The following MUSK variants were observed in gnomAD, a reference collection of about 807,000 sequenced individuals.
MUSK encodes the protein muscle, skeletal receptor tyrosine-protein kinase.
In MUSK, 55 loss-of-function variants were observed where a neutral mutation model predicts 88.7. The ratio of observed to expected loss-of-function variants is 0.62; its 90% CI spans 0.50 to 0.78. The LOEUF is 0.78. MUSK is among the 30% of genes least tolerant of loss of function. MUSK has a pLI of 0.00. For synonymous variants in MUSK, 387 were observed against 391.9 expected, an observed-to-expected ratio of 0.99 and a Z score of 0.15; for missense variants, 1,015 against 1,074.3, an observed-to-expected ratio of 0.94 and a Z score of 0.77.
Position 110,668,888 on chromosome 9 carries a change from G to C in MUSK, c.-17G>C. 2 of 1,608,666 alleles carry C rather than the reference G, an allele frequency of 1.2e-6. No individual in the cohort carries two copies. The highest frequency in any genetic ancestry group is 8.5e-7 in the Non-Finnish European group (1 of 1,175,238). ...TTGTCCAGAAGGAACTTCGTCCTGCGTGAGCCTGGATTAATCATGAGAGAG... is the reference window on the plus strand; with the variant it reads ...TTGTCCAGAAGGAACTTCGTCCTGCCTGAGCCTGGATTAATCATGAGAGAG... On this transcript the variant is annotated 5_prime_UTR_variant, in exon 1 of 15. Transcript: ENST00000374448.
Position 110,804,463 on chromosome 9 carries a change from G to T in MUSK, c.*3475G>T, listed in dbSNP as rs1250908200. 6.6e-6 allele frequency among the ~76,000 whole-genome samples: 1 copy of T among 152,084 alleles called. No homozygotes were observed. Among genetic ancestry groups the T allele is most frequent in the African/African-American group, 2.4e-5 (1 of 41,540 alleles). On this transcript the variant is annotated 3_prime_UTR_variant, in exon 15 of 15. Coordinates refer to ENST00000374448, the MANE Select transcript of MUSK (RefSeq NM_005592.4). ...TTTTGTCTCTTTGGTTATAGAAAAA[G>T]AGAACCTCTTTTTAATTTTATTTTT... is the stretch of plus-strand genomic sequence containing the variant.
intron 2 of MUSK, 21 bp from the exon 3 acceptor site, chr9:110,687,096 A>G: frequency 6.2e-7 from 1 of 1,603,328 alleles, no homozygotes; most frequent in South Asian, 1.1e-5. Context: ...CTAATCTGTC[A>G]TTTTTTTCTG....
chr9:110,709,636 G>A (rs1019073757), intron 5 of MUSK, among the ~76,000 whole-genome samples: 1 of 152,194 alleles, frequency 6.6e-6, no homozygotes, highest in African/African-American at 2.4e-5. Flanking sequence ...AACAGAAGCA[G>A]TGATTTACGC....
At chr9:110,681,058 T>TATATA (rs1491420557) in intron 1 of MUSK, among the ~76,000 whole-genome samples, 506 of 11,846 alleles carry the variant, frequency 0.043, 79 homozygotes, top group African/African-American at 0.22. Flanking sequence ...TATTATATAT[T>TATATA]ATATATATAA....
chr9:110,746,277 G>T (rs1300680802), intron 6 of MUSK, among the ~76,000 whole-genome samples: 1 of 152,114 alleles, frequency 6.6e-6, no homozygotes, highest in Non-Finnish European at 1.5e-5. Flanking sequence ...GTGGTATTGT[G>T]CTCAAGAAAA....
At chr9:110,672,495 T>C (rs949398465) in intron 1 of MUSK, among the ~76,000 whole-genome samples, 2 of 152,148 alleles carry the variant, frequency 1.3e-5, no homozygotes, top group African/African-American at 2.4e-5. Flanking sequence ...GATTGGCACT[T>C]TCCAGGGTCA....
chr9:110,775,700 T>C (rs2077656910), intron 9 of MUSK, 88 bp from the exon 10 acceptor site: 6 of 1,242,042 alleles, frequency 4.8e-6, no homozygotes, highest in Admixed American at 1.8e-5. Context: ...CATGATGATG[T>C]CTTGAAAACA....
intron 6 of MUSK, among the ~76,000 whole-genome samples, chr9:110,746,427 C>T (rs1394595656): frequency 6.6e-6 from 1 of 152,164 alleles, no homozygotes; most frequent in African/African-American, 2.4e-5. Flanking sequence ...CATTTGTTCT[C>T]TCTTCTAGGA....
chr9:110,674,866 C>G (rs1244553871), intron 1 of MUSK, among the ~76,000 whole-genome samples: 1 of 152,060 alleles, frequency 6.6e-6, no homozygotes, highest in Non-Finnish European at 1.5e-5. Flanking sequence ...CCCACCTCGG[C>G]CTCAAAAGTG....
intron 11 of MUSK, among the ~76,000 whole-genome samples, chr9:110,778,320 CTT>C (rs1451328123): frequency 6.6e-6 from 1 of 152,142 alleles, no homozygotes; most frequent in Admixed American, 6.5e-5. Context: ...CTATTCCTCT[CTT>C]CCGTGAGACT....
intron 5 of MUSK, among the ~76,000 whole-genome samples, chr9:110,706,388 C>A (rs1041535532): frequency 2.0e-5 from 3 of 151,982 alleles, no homozygotes; most frequent in Non-Finnish European, 4.4e-5. Flanking sequence ...TTTTCAGGGC[C>A]ATATAGAGGA....
At chr9:110,721,184 C>T (rs1479615922) in intron 5 of MUSK, among the ~76,000 whole-genome samples, 1 of 152,104 alleles carries the variant, frequency 6.6e-6, no homozygotes, top group Non-Finnish European at 1.5e-5. Context: ...TGAAACAAGA[C>T]AAGGATGCCC....
chr9:110,737,922 G>A (rs183828615), intron 6 of MUSK, among the ~76,000 whole-genome samples: 83 of 152,168 alleles, frequency 5.5e-4, no homozygotes, highest in Middle Eastern at 3.4e-3. Flanking sequence ...AATCTCATTC[G>A]CAATCTCTAT....
chr9:110,768,021 G>T lies in MUSK; in HGVS notation c.1122G>T (p.Leu374Phe). 8 of 1,613,994 alleles carry T rather than the reference G, an allele frequency of 5.0e-6. No individual in the cohort carries two copies. Among genetic ancestry groups the T allele is most frequent in the Non-Finnish European group, 6.8e-6 (8 of 1,179,872 alleles). ...PVCRPAAEALLCNHIFQECSP... is the reference protein window; with the variant it reads ...PVCRPAAEALFCNHIFQECSP... ...GCCGGCCAGCTGCTGAGGCTTTGTT[G>T]TGTAACCACATCTTCCAGGAGTGCA... Residue 374 changes from leucine to phenylalanine, a missense_variant, in exon 9 of 15, where the codon TTG (leucine) becomes TTT (phenylalanine). By Grantham distance (22) the Leu-to-Phe change is conservative. Transcript: ENST00000374448.
At chr9:110,675,562 C>CTTT (rs10607243) in intron 1 of MUSK, among the ~76,000 whole-genome samples, 40 of 61,630 alleles carry the variant, frequency 6.5e-4, no homozygotes, top group African/African-American at 2.1e-3. Flanking sequence ...ATAGTCTTCC[C>CTTT]TTTTTTTTTT....
chr9:110,713,266 T>C lies in MUSK; in HGVS notation c.628+15800T>C, dbSNP rs562405210. 2.7e-4 allele frequency among the ~76,000 whole-genome samples: 41 copies of C among 150,454 alleles called. 1 individual carries two copies. Among genetic ancestry groups the C allele is most frequent in the African/African-American group, 8.5e-4 (35 of 41,090 alleles). ...TCTTCTCTTGGACCTTTTTTTCTTTTTTTTTTTTTTTGAGACAGAGTCTCT... is the reference window on the plus strand; with the variant it reads ...TCTTCTCTTGGACCTTTTTTTCTTTCTTTTTTTTTTTGAGACAGAGTCTCT... On this transcript the variant is annotated intron_variant, in intron 5 of 14. Coordinates refer to ENST00000374448, the MANE Select transcript of MUSK (RefSeq NM_005592.4).
chr9:110,703,120 T>C (rs140056007), intron 5 of MUSK, among the ~76,000 whole-genome samples: 1 of 152,178 alleles, frequency 6.6e-6, no homozygotes, highest in Admixed American at 6.5e-5. Context: ...ACAACCTACC[T>C]TGAGTGAGTG....
rs577442906 is a variant in MUSK, at chr9:110,735,271, G to A, written c.753+896G>A. The stretch of plus-strand genomic sequence containing the variant: ...GTATCTGCACTCCCATGTTTATTGC[G>A]GCACTATTCACAATAACCAAGATAT... On this transcript the variant is annotated intron_variant, in intron 6 of 14. Coordinates refer to ENST00000374448, the MANE Select transcript of MUSK (RefSeq NM_005592.4). Among the ~76,000 whole-genome samples the A allele has an allele frequency of 5.3e-5, 8 of 152,054 alleles. No homozygotes were observed. The South Asian group carries it at 1.2e-3, about 24-fold the overall frequency.
At chr9:110,723,234 TACACAC>T (rs143582345) in intron 5 of MUSK, among the ~76,000 whole-genome samples, 9 of 146,670 alleles carry the variant, frequency 6.1e-5, no homozygotes, top group Non-Finnish European at 1.3e-4. Context: ...TACATATACA[TACACAC>T]ACACACACAC....
Sources: gnomAD v4.1 joint callset for allele counts (sites outside exome capture counted in the v4.1 genomes callset) on GRCh38, gnomAD v4.1.1 for gene constraint, MANE v1.5 for transcripts, NCBI Gene and HGNC (gene_info 2026-07-23, HGNC 2026-07-21) for gene names.